GIMD1: variants seen among roughly 807,000 people sequenced by gnomAD.
GIMD1 encodes GIMAP family P-loop NTPase domain containing 1.
Under a neutral mutation model 14.9 loss-of-function variants are expected in GIMD1, and 14 were observed. The ratio of observed to expected loss-of-function variants is 0.94; its 90% confidence interval spans 0.62 to 1.47. The LOEUF (loss-of-function observed/expected upper bound fraction) is 1.47. Among genes scored for constraint, GIMD1 ranks in the 40% most tolerant of loss-of-function variants. The pLI, the probability that GIMD1 is intolerant of heterozygous loss-of-function variation, is 0.00. For missense variants in GIMD1, 272 were observed against 255.3 expected, an observed-to-expected ratio of 1.07 and a Z score of -0.44; for synonymous variants, 91 against 90.5, an observed-to-expected ratio of 1.01 and a Z score of -0.03.
At chr4:106,359,073 A>G (rs1770577353) in intron 2 of GIMD1, among the ~76,000 whole-genome samples, 1 of 151,960 alleles carries the variant, frequency 6.6e-6, no homozygotes, top group Non-Finnish European at 1.5e-5. Flanking sequence ...GTGGTTGAAA[A>G]ACATTGAAGA....
At chr4:106,359,918 A>G (rs1213723437) in intron 2 of GIMD1, among the ~76,000 whole-genome samples, 1 of 151,914 alleles carries the variant, frequency 6.6e-6, no homozygotes, top group Admixed American at 6.6e-5. Flanking sequence ...TATCAGATTC[A>G]TTTATTTATA....
chr4:106,366,550 A>G (rs1404502267), intron 2 of GIMD1, among the ~76,000 whole-genome samples: 1 of 152,152 alleles, frequency 6.6e-6, no homozygotes, highest in Non-Finnish European at 1.5e-5. Flanking sequence ...TTTAAGTTCA[A>G]CGGTTCTACG....
Position 106,367,453 on chromosome 4 carries a change from G to A in GIMD1, c.-2-16C>T. 1.3e-6 allele frequency: 2 copies of A among 1,504,564 alleles called. No individual in the cohort carries two copies. The highest frequency in any genetic ancestry group is 1.8e-6 in the Non-Finnish European group (2 of 1,128,052). The allele number at this position is 1,504,564 out of a possible 1,614,324, so 93.2% of individuals were successfully genotyped here. A position where few individuals can be genotyped will look rare whatever the true frequency, so the allele number is the denominator to read the frequency against. On this transcript the variant is annotated splice_polypyrimidine_tract_variant and intron_variant, in intron 1 of 2. Coordinates refer to ENST00000638719, the MANE Select transcript of GIMD1 (RefSeq NM_001195138.2). ...TCTGTCATGGCTGTAGGAAAACAAA[G>A]GCATAGCACGCATAATTAGGCTTCT...
chr4:106,367,573 G>T, intron 1 of GIMD1, 136 bp from the exon 2 acceptor site: 1 of 761,052 alleles, frequency 1.3e-6, no homozygotes, highest in Non-Finnish European at 2.0e-6. Flanking sequence ...ACTAAAGCAT[G>T]GAGGAGGACT....
rs114029489 is a variant in GIMD1 at position 106,358,102 on chromosome 4, C to G, written c.*81G>C. 0.013 allele frequency: 12,508 copies of G among 928,132 alleles called. 121 individuals carry two copies. The highest frequency in any genetic ancestry group is 0.017 in the Non-Finnish European group (11,212 of 640,914). 57.5% of individuals were successfully genotyped at this position (928,132 alleles called of 1,614,324 possible). On this transcript the variant is annotated 3_prime_UTR_variant, in exon 3 of 3. Transcript: ENST00000638719. ...GCAGCATATCAGAATACTTATGGTC[C>G]ACATTCATGTCAATAAAGGCATTCT...
intron 2 of GIMD1, among the ~76,000 whole-genome samples, chr4:106,365,819 A>G (rs566096377): frequency 2.0e-4 from 28 of 141,186 alleles, no homozygotes; most frequent in African/African-American, 6.9e-4. Context: ...AGGAATTGTT[A>G]GTAATAGTCT....
At chr4:106,360,693 A>G (rs959339811) in intron 2 of GIMD1, among the ~76,000 whole-genome samples, 4 of 152,172 alleles carry the variant, frequency 2.6e-5, no homozygotes, top group Admixed American at 2.6e-4. Flanking sequence ...GTCCCTGTCT[A>G]GTATGATTGG....
chr4:106,358,590 A>G, intron 2 of GIMD1, 147 bp from the exon 3 acceptor site: 1 of 597,048 alleles, frequency 1.7e-6, no homozygotes. Flanking sequence ...AAATGAAGAC[A>G]GGGTCAAGTA....
intron 2 of GIMD1, among the ~76,000 whole-genome samples, chr4:106,364,570 T>G (rs1002729046): frequency 6.6e-6 from 1 of 152,162 alleles, no homozygotes; most frequent in Non-Finnish European, 1.5e-5. Context: ...CAGCCTGTGC[T>G]TAAGTGACCA....
intron 2 of GIMD1, among the ~76,000 whole-genome samples, chr4:106,366,672 C>T (rs1770703426): frequency 6.6e-6 from 1 of 152,068 alleles, no homozygotes; most frequent in Admixed American, 6.6e-5. Flanking sequence ...TAACAAACAG[C>T]CCAGTTGATT....
At chr4:106,359,555 A>T (rs1770584502) in intron 2 of GIMD1, among the ~76,000 whole-genome samples, 1 of 151,862 alleles carries the variant, frequency 6.6e-6, no homozygotes, top group African/African-American at 2.4e-5. Context: ...TGGCAAACTG[A>T]CTTATAAAGA....
At chr4:106,360,702 G>C (rs184134508) in intron 2 of GIMD1, among the ~76,000 whole-genome samples, 2 of 152,074 alleles carry the variant, frequency 1.3e-5, no homozygotes, top group East Asian at 3.9e-4. Context: ...TAGTATGATT[G>C]GTGTCCTTAT....
At chr4:106,365,733 G>T (rs1413774874) in intron 2 of GIMD1, among the ~76,000 whole-genome samples, 1 of 152,200 alleles carries the variant, frequency 6.6e-6, no homozygotes, top group East Asian at 1.9e-4. Flanking sequence ...GATTGACTCA[G>T]ACTGAAGAAT....
At chr4:106,368,271 C>G (rs1770736475) in intron 1 of GIMD1, among the ~76,000 whole-genome samples, 1 of 152,138 alleles carries the variant, frequency 6.6e-6, no homozygotes, top group African/African-American at 2.4e-5. Flanking sequence ...ATCCTTTGTA[C>G]ACTGCATGAT....
chr4:106,361,401 C>A (rs1770611308), intron 2 of GIMD1, among the ~76,000 whole-genome samples: 1 of 151,928 alleles, frequency 6.6e-6, no homozygotes. Flanking sequence ...AAAGGAAAGA[C>A]CAGACAAGAT....
At chr4:106,363,121 T>C (rs1273339146) in intron 2 of GIMD1, among the ~76,000 whole-genome samples, 1 of 152,154 alleles carries the variant, frequency 6.6e-6, no homozygotes, top group East Asian at 1.9e-4. Context: ...ACTCTTATTT[T>C]CTTCATAAGT....
chr4:106,359,380 A>C (rs1770581412), intron 2 of GIMD1, among the ~76,000 whole-genome samples: 2 of 151,936 alleles, frequency 1.3e-5, no homozygotes, highest in African/African-American at 4.8e-5. Flanking sequence ...AGGAATAAAC[A>C]TAATAAGAAA....
chr4:106,363,703 A>C (rs983662071), intron 2 of GIMD1, among the ~76,000 whole-genome samples: 5 of 152,102 alleles, frequency 3.3e-5, no homozygotes, highest in African/African-American at 1.2e-4. Context: ...TTGTTTTTTT[A>C]ACTAAATTCT....
chr4:106,363,197 A>G (rs1770639595), intron 2 of GIMD1, among the ~76,000 whole-genome samples: 1 of 152,170 alleles, frequency 6.6e-6, no homozygotes, highest in African/African-American at 2.4e-5. Context: ...TAACAATGAA[A>G]TAATAATGGC....
Sources: gnomAD v4.1 joint callset for allele counts (sites outside exome capture counted in the v4.1 genomes callset) on GRCh38, gnomAD v4.1.1 for gene constraint, MANE v1.5 for transcripts, NCBI Gene and HGNC (gene_info 2026-07-23, HGNC 2026-07-21) for gene names.